Variants in CD33 observed in about 807,000 individuals in gnomAD.
CD33 encodes myeloid cell surface antigen CD33.
A neutral mutation model predicts 31.4 loss-of-function variants in CD33; 25 were observed. The observed-to-expected ratio is 0.80, with a 90% CI of 0.58 to 1.11. The LOEUF is 1.11. Among genes scored for constraint, CD33 ranks in the 50% most tolerant of loss-of-function variants. The probability of loss-of-function intolerance (pLI) is 0.00; values close to 1 mark genes in which losing one functional copy is unlikely to be tolerated. For synonymous variants in CD33, 176 were observed against 180.6 expected (o/e 0.97, Z 0.20); for missense variants, 407 against 448.1 (o/e 0.91, Z 0.83).
In CD33 at chr19:51,235,165, G is replaced by A; in HGVS notation, c.754G>A (p.Glu252Lys). ...IFPGDGSGKQETRAGVVHGAI... is the reference protein window; with the variant it reads ...IFPGDGSGKQKTRAGVVHGAI... Reference sequence around the variant, plus strand: ...ATCTTTTTTGTCTGCAGGGAAACAAGAGACCAGAGCAGGAGTGGTTCATGG... The same window carrying A: ...ATCTTTTTTGTCTGCAGGGAAACAAAAGACCAGAGCAGGAGTGGTTCATGG... Residue 252 changes from glutamate to lysine, a missense_variant, in exon 5 of 7, where the codon GAG becomes AAG. Physicochemically the swap from Glu to Lys is moderately conservative, Grantham distance 56 (BLOSUM62 1). Coordinates refer to ENST00000262262, the MANE Select transcript of CD33 (RefSeq NM_001772.4). 1 of 1,613,830 alleles carries A rather than the reference G, an allele frequency of 6.2e-7. No individual in the cohort carries two copies. The highest frequency in any genetic ancestry group is 8.5e-7 in the Non-Finnish European group (1 of 1,179,702).
intron 2 of CD33, 41 bp from the exon 3 acceptor site, chr19:51,225,762 C>T (rs778329711): frequency 2.5e-6 from 4 of 1,589,104 alleles, no homozygotes; most frequent in Admixed American, 1.7e-5. Flanking sequence ...CTCACCTGGA[C>T]CCTCCCTCCT....
the CD33 span, chr19:51,211,767 T>G: frequency 1.3e-6 from 1 of 785,042 alleles, no homozygotes; most frequent in Non-Finnish European, 2.2e-6. Context: ...CCCTTCCTGA[T>G]CCTGCATCCC....
intron 4 of CD33, among the ~76,000 whole-genome samples, chr19:51,231,871 G>A (rs2123260757): frequency 6.6e-6 from 1 of 152,144 alleles, no homozygotes; most frequent in Non-Finnish European, 1.5e-5. Context: ...CAATCTTCCT[G>A]CCTTAACCTC....
Position 51,235,684 on chromosome 19 carries a change from A to G in CD33, c.924+8A>G. 6.2e-7 allele frequency: 1 copy of G among 1,609,986 alleles called. No homozygotes were observed. The highest frequency in any genetic ancestry group is 8.5e-7 in the Non-Finnish European group (1 of 1,177,856). ...ACAGGGTCAGCCTCCCCGGTGAGTG[A>G]TGGGGCATCCTGGCATCCAGTCTGT... On this transcript the variant is annotated splice_region_variant and intron_variant, in intron 6 of 6. Coordinates refer to ENST00000262262, the MANE Select transcript of CD33 (RefSeq NM_001772.4).
chr19:51,230,840 G>C (rs1981353164), intron 4 of CD33, among the ~76,000 whole-genome samples: 1 of 152,176 alleles, frequency 6.6e-6, no homozygotes, highest in Admixed American at 6.5e-5. Flanking sequence ...ATGTAAAAGA[G>C]TCTTGGAACA....
Position 51,239,837 on chromosome 19 carries a change from A to G in CD33, c.*149A>G. 1 of 527,516 alleles carries G rather than the reference A, an allele frequency of 1.9e-6. No homozygotes were observed. Among genetic ancestry groups the G allele is most frequent in the South Asian group, 3.5e-5 (1 of 28,414 alleles). The allele number at this position is 527,516 out of a possible 1,614,324, so 32.7% of individuals were successfully genotyped here. On this transcript the variant is annotated 3_prime_UTR_variant, in exon 7 of 7. Transcript: ENST00000262262. ...TCCTGCTATATTAACATCATCTTAG[A>G]CTTTGCAAGCAGAGAGTCGTGGAAT...
chr19:51,227,393 CT>C (rs562533137), intron 4 of CD33, among the ~76,000 whole-genome samples: 6 of 151,996 alleles, frequency 3.9e-5, no homozygotes, highest in East Asian at 1.9e-4. Flanking sequence ...TAATTTTCAT[CT>C]TTTTTTTATC....
rs370402568 is a variant in CD33 at position 51,235,164 on chromosome 19, A to G, written c.753A>G (p.Gln251=). The G allele has an allele frequency of 6.3e-5, 101 of 1,613,538 alleles. No individual in the cohort carries two copies. Among genetic ancestry groups the G allele is most frequent in the Non-Finnish European group, 8.2e-5 (97 of 1,179,562 alleles). ...GIFPGDGSGK[Q]ETRAGVVHGA... is the part of the protein sequence containing the mutation. ...AATCTTTTTTGTCTGCAGGGAAACA[A>G]GAGACCAGAGCAGGAGTGGTTCATG... Residue 251 remains glutamine (Q), a synonymous_variant, in exon 5 of 7, where the codon CAA becomes CAG. Transcript: ENST00000262262.
chr19:51,226,546 C>G (rs925743032), intron 4 of CD33, among the ~76,000 whole-genome samples, 190 bp downstream of exon 4: 1 of 152,138 alleles, frequency 6.6e-6, no homozygotes, highest in East Asian at 1.9e-4. Context: ...CCAAATAATG[C>G]TCTTTGTCTC....
chr19:51,215,232 C>G, the CD33 span, among the ~76,000 whole-genome samples: 1 of 152,166 alleles, frequency 6.6e-6, no homozygotes, highest in African/African-American at 2.4e-5. Context: ...TAGGACCAGG[C>G]AAGGAGCTCA....
upstream of CD33, among the ~76,000 whole-genome samples, chr19:51,221,863 T>C (rs764871961): frequency 6.6e-6 from 1 of 152,200 alleles, no homozygotes; most frequent in Non-Finnish European, 1.5e-5. Flanking sequence ...AACCACATGA[T>C]TGAACCTCAG....
the CD33 span, among the ~76,000 whole-genome samples, chr19:51,212,295 C>T: frequency 2.6e-5 from 4 of 152,216 alleles, no homozygotes; most frequent in African/African-American, 7.2e-5. Context: ...GAAATCCTCT[C>T]TTATTGTCCT....
intron 4 of CD33, among the ~76,000 whole-genome samples, chr19:51,231,192 C>T (rs575527591): frequency 7.9e-4 from 121 of 152,274 alleles, no homozygotes; most frequent in Non-Finnish European, 1.2e-3. Context: ...TCCTCACGTT[C>T]TCACTTGTCT....
upstream of CD33, among the ~76,000 whole-genome samples, chr19:51,223,124 G>A (rs78451359): frequency 1.4e-3 from 210 of 152,126 alleles, 1 homozygote; most frequent in African/African-American, 4.8e-3. Flanking sequence ...AGAGGATGAC[G>A]TGGGAGAGTC....
intron 6 of CD33, chr19:51,237,644 T>A (rs1555742448): frequency 6.6e-6 from 1 of 151,782 alleles, no homozygotes; most frequent in Non-Finnish European, 1.5e-5. Context: ...CAGAGTTACG[T>A]GTTGGGGGTG....
At chr19:51,232,990 G>GC (rs1981526825) in intron 4 of CD33, among the ~76,000 whole-genome samples, 1 of 152,182 alleles carries the variant, frequency 6.6e-6, no homozygotes, top group African/African-American at 2.4e-5. Context: ...AGACTGCTCA[G>GC]CTGGCCTAGG....
intron 4 of CD33, 151 bp from the exon 5 acceptor site, chr19:51,235,006 T>C (rs1240495797): frequency 1.6e-6 from 1 of 628,054 alleles, no homozygotes; most frequent in Non-Finnish European, 2.9e-6. Context: ...CTCATGGTCG[T>C]GGTCAATATT....
rs867118376 is a variant in CD33 at position 51,239,855 on chromosome 19, C to T, written c.*167C>T. Reference sequence around the variant, plus strand: ...ATCTTAGACTTTGCAAGCAGAGAGTCGTGGAATCAAATCTGTGCTCTTTCA... The same window carrying T: ...ATCTTAGACTTTGCAAGCAGAGAGTTGTGGAATCAAATCTGTGCTCTTTCA... On this transcript the variant is annotated 3_prime_UTR_variant, in exon 7 of 7. Transcript: ENST00000262262. 5 of 482,612 alleles carry T rather than the reference C, an allele frequency of 1.0e-5. No individual in the cohort carries two copies. The highest frequency in any genetic ancestry group is 6.0e-5 in the African/African-American group (3 of 50,006). The allele number at this position is 482,612 out of a possible 1,614,324, so 29.9% of individuals were successfully genotyped here.
At chr19:51,235,351 A>G (rs1041104688) in intron 5 of CD33, 98 bp downstream of exon 5, 17 of 1,292,758 alleles carry the variant, frequency 1.3e-5, no homozygotes, top group Admixed American at 9.6e-5. Context: ...GAGAAAGGGC[A>G]GGGGGTGTGA....
Sources: gnomAD v4.1 joint callset for allele counts (sites outside exome capture counted in the v4.1 genomes callset) on GRCh38, gnomAD v4.1.1 for gene constraint, MANE v1.5 for transcripts, NCBI Gene and HGNC (gene_info 2026-07-23, HGNC 2026-07-21) for gene names.